ZNF638: variants seen among roughly 807,000 people sequenced by gnomAD.
ZNF638 encodes the protein zinc finger protein 638, also known as CTCL tumor antigen se33-1.
In ZNF638, 46 loss-of-function variants were observed where a neutral mutation model predicts 195.6. That is an observed-to-expected ratio of 0.24 (90% CI 0.19 to 0.30). The LOEUF (loss-of-function observed/expected upper bound fraction) is 0.30. ZNF638 is among the 10% of genes least tolerant of loss of function. The pLI is 1.00. For missense variants in ZNF638, 2,440 were observed against 2,325.3 expected (o/e 1.05, Z -1.01); for synonymous variants, 845 against 772.0 (o/e 1.09, Z -1.57).
intron 15 of ZNF638, 21 bp from the exon 16 acceptor site, chr2:71,401,935 T>A: frequency 6.5e-7 from 1 of 1,541,260 alleles, no homozygotes; most frequent in Non-Finnish European, 8.7e-7. Context: ...TAATAACAGG[T>A]TTTAAAAATT....
chr2:71,348,737 G>T lies in ZNF638; in HGVS notation c.-202-16G>T. 6.6e-7 allele frequency: 1 copy of T among 1,512,380 alleles called. No homozygotes were observed. The highest frequency in any genetic ancestry group is 8.8e-7 in the Non-Finnish European group (1 of 1,133,214). 93.7% of individuals were successfully genotyped at this position (1,512,380 alleles called of 1,614,324 possible). A position where few individuals can be genotyped will look rare whatever the true frequency, so the allele number is the denominator to read the frequency against. On this transcript the variant is annotated splice_polypyrimidine_tract_variant and intron_variant, in intron 1 of 27. Coordinates refer to ENST00000264447, the MANE Select transcript of ZNF638 (RefSeq NM_014497.5). ...TTTGAGTTAAAATGATCTAATATTT[G>T]TGTTTTAACTTTCAGCTTTGTGTTA...
chr2:71,360,911 A>G (rs897502839), intron 3 of ZNF638, among the ~76,000 whole-genome samples: 1 of 152,178 alleles, frequency 6.6e-6, no homozygotes, highest in Non-Finnish European at 1.5e-5. Flanking sequence ...CAGAATGTAT[A>G]CATGCTTTAT....
At chr2:71,338,130 T>TC (rs1038192595) in intron 1 of ZNF638, among the ~76,000 whole-genome samples, 1 of 152,106 alleles carries the variant, frequency 6.6e-6, no homozygotes, top group Non-Finnish European at 1.5e-5. Context: ...AGTGCTTGTT[T>TC]CCCCCCACTC....
intron 8 of ZNF638, chr2:71,376,184 C>T (rs1179851343): frequency 2.6e-5 from 4 of 152,110 alleles, no homozygotes; most frequent in African/African-American, 4.8e-5. Context: ...AAAGAAAATA[C>T]GAGCACTAGA....
At chr2:71,404,448 G>A (rs561681948) in intron 17 of ZNF638, among the ~76,000 whole-genome samples, 14 of 152,016 alleles carry the variant, frequency 9.2e-5, no homozygotes, top group South Asian at 6.2e-4. Context: ...GGTGGCTCAC[G>A]CTGGTGATCC....
chr2:71,366,363 G>GA (rs34964345), intron 6 of ZNF638, among the ~76,000 whole-genome samples: 318 of 139,050 alleles, frequency 2.3e-3, no homozygotes, highest in Admixed American at 5.9e-3. Context: ...CCTGTCTCAA[G>GA]AAAAAAAAAA....
chr2:71,404,349 A>T (rs544997622), intron 17 of ZNF638, among the ~76,000 whole-genome samples: 3 of 152,030 alleles, frequency 2.0e-5, no homozygotes, highest in Middle Eastern at 3.4e-3. Flanking sequence ...GTTCCTTGTA[A>T]ATCTTGTTTA....
intron 10 of ZNF638, among the ~76,000 whole-genome samples, chr2:71,394,112 C>A (rs2079845176): frequency 6.6e-6 from 1 of 152,172 alleles, no homozygotes; most frequent in Non-Finnish European, 1.5e-5. Flanking sequence ...GGGACAAGCC[C>A]TTAGTCTCCA....
Position 71,349,248 on chromosome 2 carries a change from G to A in ZNF638, c.294G>A (p.Lys98=). The change falls in exon 2 of 28, where the codon AAG becomes AAA. Residue 98 remains lysine, a synonymous_variant. Coordinates refer to ENST00000264447, the MANE Select transcript of ZNF638 (RefSeq NM_014497.5). ...ATGAAGCACAACAGAAGAAGGGGAAGCCTCATGGTAGCCGGTGGGATGATG... is the reference window on the plus strand; with the variant it reads ...ATGAAGCACAACAGAAGAAGGGGAAACCTCATGGTAGCCGGTGGGATGATG... The part of the protein sequence containing the change: ...DFHEAQQKKG[K]PHGSRWDDEP... The A allele has an allele frequency of 6.2e-7, 1 of 1,614,098 alleles. No homozygotes were observed. The highest frequency in any genetic ancestry group is 8.5e-7 in the Non-Finnish European group (1 of 1,179,964).
chr2:71,372,887 A>G (rs1355032458), intron 8 of ZNF638, among the ~76,000 whole-genome samples: 11 of 152,182 alleles, frequency 7.2e-5, no homozygotes, highest in Admixed American at 2.0e-4. Flanking sequence ...GTTTCTCTGT[A>G]TGAATATACC....
intron 7 of ZNF638, among the ~76,000 whole-genome samples, chr2:71,369,564 A>T (rs916149511): frequency 1.3e-4 from 20 of 152,146 alleles, no homozygotes; most frequent in African/African-American, 4.6e-4. Flanking sequence ...CAGACCTACC[A>T]CAAGCTGGAC....
intron 18 of ZNF638, 126 bp from the exon 19 acceptor site, chr2:71,405,999 TGTA>T: frequency 9.6e-7 from 1 of 1,038,078 alleles, no homozygotes; most frequent in Non-Finnish European, 1.4e-6. Context: ...TCTTCCCCCA[TGTA>T]GTCATTTTCT....
chr2:71,369,322 CAA>C (rs34506232), intron 7 of ZNF638, among the ~76,000 whole-genome samples: 2,753 of 99,022 alleles, frequency 0.028, 54 homozygotes, highest in African/African-American at 0.071. Context: ...GGCTCCGTCT[CAA>C]AAAAAAAAAA....
chr2:71,434,838 T>G lies in ZNF638; in HGVS notation c.*31T>G, dbSNP rs186647539. 3,355 of 1,547,676 alleles carry G rather than the reference T, an allele frequency of 2.2e-3. 7 individuals are homozygous for G. The highest frequency in any genetic ancestry group is 2.7e-3 in the Non-Finnish European group (3,044 of 1,142,346). ...GGAAAGGAAAGAATTCACTAGAAAT[T>G]TGTTTAGGGTCCAGTTGATTTGTGT... On this transcript the variant is annotated 3_prime_UTR_variant, in exon 28 of 28. Transcript: ENST00000264447.
At chr2:71,410,085 GTAT>G (rs1174894030) in intron 20 of ZNF638, among the ~76,000 whole-genome samples, 2 of 152,166 alleles carry the variant, frequency 1.3e-5, no homozygotes, top group African/African-American at 4.8e-5. Context: ...CCAGAATCCA[GTAT>G]TATTGAGGAG....
chr2:71,400,374 G>A (rs2079982403), intron 14 of ZNF638, 104 bp from the exon 15 acceptor site: 5 of 1,177,710 alleles, frequency 4.2e-6, no homozygotes, highest in Non-Finnish European at 6.0e-6. Context: ...CTCTAGACTT[G>A]TTGTATTACA....
chr2:71,366,166 G>A lies in ZNF638; in HGVS notation c.1995+460G>A, dbSNP rs373690737. 9.9e-5 allele frequency among the ~76,000 whole-genome samples: 15 copies of A among 152,102 alleles called. No individual in the cohort carries two copies. The South Asian group carries it at 1.0e-3, about 11-fold the overall frequency. ...AGAATTTGAGGCCAGCCAGAGCTACGTGGTGGAACTCCCTCTCTACAAAAA... is the reference window on the plus strand; with the variant it reads ...AGAATTTGAGGCCAGCCAGAGCTACATGGTGGAACTCCCTCTCTACAAAAA... On this transcript the variant is annotated intron_variant, in intron 6 of 27. Coordinates refer to ENST00000264447, the MANE Select transcript of ZNF638 (RefSeq NM_014497.5).
At chr2:71,373,029 A>C (rs529563523) in intron 8 of ZNF638, among the ~76,000 whole-genome samples, 3 of 152,324 alleles carry the variant, frequency 2.0e-5, no homozygotes, top group East Asian at 1.9e-4. Context: ...GGTGATACCT[A>C]CCCAATGGAA....
chr2:71,347,574 C>T (rs923572479), intron 1 of ZNF638, among the ~76,000 whole-genome samples: 2 of 152,190 alleles, frequency 1.3e-5, no homozygotes, highest in Non-Finnish European at 2.9e-5. Flanking sequence ...TCACATTTTC[C>T]ACCATGCATT....
Sources: allele counts gnomAD v4.1 joint callset (sites outside exome capture counted in the v4.1 genomes callset), GRCh38; gene constraint gnomAD v4.1.1; transcripts MANE v1.5; gene names NCBI Gene and HGNC (gene_info 2026-07-23, HGNC 2026-07-21).